AGPS: variants seen among roughly 807,000 people sequenced by gnomAD.
AGPS encodes alkyldihydroxyacetonephosphate synthase, peroxisomal.
AGPS carries 26 observed loss-of-function variants against 90.7 expected under a neutral mutation model. The ratio of observed to expected loss-of-function variants is 0.29; its 90% CI spans 0.21 to 0.40. The LOEUF is 0.40. Ranked by LOEUF, AGPS falls within the 10% of genes least tolerant of loss-of-function variation. The probability of loss-of-function intolerance (pLI) is 1.00; values close to 1 mark genes in which losing one functional copy is unlikely to be tolerated. For synonymous variants in AGPS, 294 were observed against 285.3 expected, an observed-to-expected ratio of 1.03 and a Z score of -0.31; for missense variants, 540 against 816.1, an observed-to-expected ratio of 0.66 and a Z score of 4.12.
chr2:177,472,927 G>A (rs1687670916), intron 10 of AGPS, among the ~76,000 whole-genome samples: 1 of 152,080 alleles, frequency 6.6e-6, no homozygotes, highest in Non-Finnish European at 1.5e-5. Flanking sequence ...TCTTCCCATA[G>A]CCAGGGCTAT....
chr2:177,403,337 C>T (rs531139594), intron 1 of AGPS, among the ~76,000 whole-genome samples: 34 of 152,180 alleles, frequency 2.2e-4, no homozygotes, highest in African/African-American at 8.2e-4. Context: ...AGATGTTATG[C>T]AAAAATTCTT....
At chr2:177,470,084 A>T (rs1385472458) in intron 10 of AGPS, among the ~76,000 whole-genome samples, 1 of 152,158 alleles carries the variant, frequency 6.6e-6, no homozygotes, top group African/African-American at 2.4e-5. Context: ...AAGTTGAGGG[A>T]AGACAGAAGA....
chr2:177,505,043 G>C (rs1422341321), intron 14 of AGPS, among the ~76,000 whole-genome samples: 1 of 151,960 alleles, frequency 6.6e-6, no homozygotes, highest in Non-Finnish European at 1.5e-5. Context: ...TTCTATGTAA[G>C]TATGTTTTGT....
intron 1 of AGPS, among the ~76,000 whole-genome samples, chr2:177,414,897 C>T (rs867333959): frequency 2.7e-4 from 39 of 146,316 alleles, no homozygotes; most frequent in Middle Eastern, 3.4e-3. Context: ...TATGAAGGTT[C>T]GTGTGTGTGT....
intron 19 of AGPS, among the ~76,000 whole-genome samples, chr2:177,536,501 A>C (rs2079185368): frequency 6.6e-6 from 1 of 152,122 alleles, no homozygotes; most frequent in Non-Finnish European, 1.5e-5. Context: ...ATTAGAGTTG[A>C]AGAGACCTTA....
In AGPS at chr2:177,513,924, T is replaced by C. The variant is rs767201497; in HGVS notation, c.1697+16T>C. On this transcript the variant is annotated intron_variant, in intron 17 of 19. Transcript: ENST00000264167. ...CTACATGCAGGTAAGTTTTAAAAATTGTTCTTATACTTCTTATTCTGAAAA... is the reference window on the plus strand; with the variant it reads ...CTACATGCAGGTAAGTTTTAAAAATCGTTCTTATACTTCTTATTCTGAAAA... 2 of 1,573,864 alleles carry C rather than the reference T, an allele frequency of 1.3e-6. No homozygotes were observed. Among genetic ancestry groups the C allele is most frequent in the East Asian group, 4.5e-5 (2 of 44,658 alleles).
intron 1 of AGPS, 197 bp downstream of exon 1, chr2:177,393,246 T>C (rs1685076271): frequency 1.0e-6 from 1 of 985,164 alleles, no homozygotes; most frequent in African/African-American, 1.7e-5. Flanking sequence ...CGGGATGGGA[T>C]GGTGGATTTT....
At chr2:177,415,192 T>G (rs1685752475) in intron 1 of AGPS, among the ~76,000 whole-genome samples, 1 of 152,172 alleles carries the variant, frequency 6.6e-6, no homozygotes, top group Admixed American at 6.5e-5. Context: ...ATTTTCCACA[T>G]TACTTACCTG....
intron 2 of AGPS, among the ~76,000 whole-genome samples, chr2:177,421,241 T>C (rs751570093): frequency 3.9e-5 from 6 of 151,998 alleles, no homozygotes; most frequent in Non-Finnish European, 7.4e-5. Flanking sequence ...AAAAAGAAAC[T>C]GAGACTAAGT....
chr2:177,507,661 T>C (rs569779676), intron 15 of AGPS, among the ~76,000 whole-genome samples: 7 of 152,340 alleles, frequency 4.6e-5, no homozygotes, highest in Admixed American at 1.3e-4. Flanking sequence ...ATTCTCTACA[T>C]GTACACAGAC....
intron 8 of AGPS, among the ~76,000 whole-genome samples, chr2:177,448,974 G>A (rs1686857905): frequency 6.6e-6 from 1 of 152,058 alleles, no homozygotes; most frequent in Non-Finnish European, 1.5e-5. Context: ...CTTTCACTAG[G>A]CATAATTATT....
chr2:177,406,884 A>T (rs1435044062), intron 1 of AGPS, among the ~76,000 whole-genome samples: 1 of 152,224 alleles, frequency 6.6e-6, no homozygotes, highest in Non-Finnish European at 1.5e-5. Flanking sequence ...CTGTTTGACT[A>T]TTGAAATTTT....
intron 8 of AGPS, among the ~76,000 whole-genome samples, chr2:177,456,966 A>G (rs1405831127): frequency 6.6e-6 from 1 of 152,208 alleles, no homozygotes; most frequent in Non-Finnish European, 1.5e-5. Context: ...AGCAAATGCA[A>G]AAGAACAGAA....
chr2:177,468,476 C>G lies in AGPS; in HGVS notation c.1057C>G (p.Arg353Gly). The part of the protein sequence containing the change: ...GIIEKSCQGP[R>G]MSTGPDIHHF... Reference sequence around the variant, plus strand: ...AATAGAAAAAAGCTGTCAAGGACCTCGTATGTCAACAGGCCCTGATATCCA... The same window carrying G: ...AATAGAAAAAAGCTGTCAAGGACCTGGTATGTCAACAGGCCCTGATATCCA... The change falls in exon 10 of 20, where the codon CGT becomes GGT. Residue 353 changes from arginine (R) to glycine (G), a missense_variant. Physicochemically the swap from Arg to Gly is moderately radical, Grantham distance 125 (BLOSUM62 -2). Around this residue, in one of 2 missense-constraint regions of AGPS, gnomAD observed 405 missense variants for 692.1 expected, o/e 0.59. Coordinates refer to ENST00000264167, the MANE Select transcript of AGPS (RefSeq NM_003659.4). The G allele has an allele frequency of 6.2e-7, 1 of 1,612,532 alleles. No homozygotes were observed. Among genetic ancestry groups the G allele is most frequent in the Non-Finnish European group, 8.5e-7 (1 of 1,179,166 alleles).
At chr2:177,438,213 A>T (rs531316461) in intron 5 of AGPS, among the ~76,000 whole-genome samples, 1 of 152,280 alleles carries the variant, frequency 6.6e-6, no homozygotes, top group African/African-American at 2.4e-5. Flanking sequence ...TCTTAATAAG[A>T]ACTTCCAAGT....
chr2:177,399,374 A>C (rs955490130), intron 1 of AGPS, among the ~76,000 whole-genome samples: 2 of 152,188 alleles, frequency 1.3e-5, no homozygotes, highest in African/African-American at 2.4e-5. Context: ...CTCTCTGCCT[A>C]TTAGTGTTCT....
intron 10 of AGPS, 43 bp from the exon 11 acceptor site, chr2:177,482,016 T>C: frequency 6.5e-7 from 1 of 1,537,922 alleles, no homozygotes; most frequent in African/African-American, 1.4e-5. Context: ...ATTTAGAAAA[T>C]TGTCATGTGA....
At chr2:177,410,715 A>G (rs1398170281) in intron 1 of AGPS, among the ~76,000 whole-genome samples, 1 of 152,156 alleles carries the variant, frequency 6.6e-6, no homozygotes, top group Non-Finnish European at 1.5e-5. Flanking sequence ...AGGCCACACC[A>G]GTGTCCAGGA....
rs1290332505 is a variant in AGPS, at chr2:177,436,974, A to C, written c.563-6A>C. On this transcript the variant is annotated splice_region_variant and splice_polypyrimidine_tract_variant and intron_variant, in intron 4 of 19. Coordinates refer to ENST00000264167, the MANE Select transcript of AGPS (RefSeq NM_003659.4). ...TGTGTTTTTCTTTTTTTTAACCACA[A>C]AACAGGTCATTGTCTTCATGAGATA... The C allele has an allele frequency of 1.2e-6, 2 of 1,613,304 alleles. No homozygotes were observed. The highest frequency in any genetic ancestry group is 1.7e-6 in the Non-Finnish European group (2 of 1,179,708).
Sources: allele counts gnomAD v4.1 joint callset (sites outside exome capture counted in the v4.1 genomes callset), GRCh38; gene constraint gnomAD v4.1.1; regional missense constraint gnomAD v4.1.1; transcripts MANE v1.5; gene names NCBI Gene and HGNC (gene_info 2026-07-23, HGNC 2026-07-21).